Variants in ADGRG7 observed in about 807,000 individuals in gnomAD.
The protein encoded by ADGRG7 is adhesion G protein-coupled receptor G7.
ADGRG7 carries 82 observed loss-of-function variants against 88.6 expected under a neutral mutation model. The observed-to-expected ratio is 0.93, with a 90% CI of 0.77 to 1.11. The LOEUF (loss-of-function observed/expected upper bound fraction) is 1.11. Ranked by LOEUF, ADGRG7 falls within the 50% of genes most tolerant of loss-of-function variation. ADGRG7 has a pLI of 0.00. For missense variants in ADGRG7, 945 were observed against 953.4 expected (o/e 0.99, Z 0.12); for synonymous variants, 381 against 345.2 (o/e 1.10, Z -1.15).
In ADGRG7 at chr3:100,668,965, T is replaced by C; in HGVS notation, c.1996T>C (p.Ser666Pro). The C allele has an allele frequency of 6.3e-7, 1 of 1,592,278 alleles. No homozygotes were observed. Among genetic ancestry groups the C allele is most frequent in the Non-Finnish European group, 8.5e-7 (1 of 1,172,104 alleles). Residue 666 changes from serine to proline, a missense_variant, in exon 15 of 16, where the codon TCC becomes CCC. Coordinates refer to ENST00000273352, the MANE Select transcript of ADGRG7 (RefSeq NM_032787.3). ...QNLTSTKKVS[S>P]MKKIVSTLSV... ...TTCACCTAGCACAAAAAAAGTTTCA[T>C]CCATGAAGAAGATTGTTAGCACATT...
chr3:100,618,765 G>C (rs80332583), intron 1 of ADGRG7, among the ~76,000 whole-genome samples: 6,518 of 148,158 alleles, frequency 0.044, 381 homozygotes, highest in East Asian at 0.25. Flanking sequence ...AAAGTCATTG[G>C]TAGCTTGATG....
rs544404415 is a variant in ADGRG7 at position 100,633,458 on chromosome 3, C to T, written c.447+81C>T. 8.7e-5 allele frequency: 52 copies of T among 598,908 alleles called. No homozygotes were observed. The African/African-American group carries it at 9.2e-4, about 11-fold the overall frequency. 37.1% of individuals were successfully genotyped at this position (598,908 alleles called of 1,614,324 possible). On this transcript the variant is annotated intron_variant, in intron 4 of 15. Transcript: ENST00000273352. The stretch of plus-strand genomic sequence containing the variant: ...TTCTGTTCTTCAGATACCTGATGGT[C>T]AAATCAATTCTTTTAAAACTCTCAA...
intron 15 of ADGRG7, among the ~76,000 whole-genome samples, chr3:100,688,783 A>T (rs13075019): frequency 2.6e-5 from 4 of 151,736 alleles, no homozygotes; most frequent in South Asian, 2.1e-4. Context: ...TGCTGAGGAG[A>T]GCTTTACTTC....
chr3:100,685,090 A>T (rs1223364336), intron 15 of ADGRG7, among the ~76,000 whole-genome samples: 1 of 152,122 alleles, frequency 6.6e-6, no homozygotes, highest in Non-Finnish European at 1.5e-5. Flanking sequence ...TTATATTGGA[A>T]TGTCCTGTTA....
At chr3:100,674,225 A>G (rs1018132805) in intron 15 of ADGRG7, among the ~76,000 whole-genome samples, 1 of 152,184 alleles carries the variant, frequency 6.6e-6, no homozygotes, top group African/African-American at 2.4e-5. Context: ...AAGTAATGTG[A>G]TTCCTCCAGT....
At chr3:100,639,901 G>T (rs1436632857) in intron 6 of ADGRG7, among the ~76,000 whole-genome samples, 1 of 152,142 alleles carries the variant, frequency 6.6e-6, no homozygotes, top group Non-Finnish European at 1.5e-5. Flanking sequence ...AAAATTTAAG[G>T]TATAAGATAC....
intron 14 of ADGRG7, among the ~76,000 whole-genome samples, chr3:100,663,466 T>C (rs2094948102): frequency 6.6e-6 from 1 of 152,054 alleles, no homozygotes; most frequent in African/African-American, 2.4e-5. Context: ...TCTCTGGAAA[T>C]TGGAATAAAG....
chr3:100,682,856 C>T (rs1328487002), intron 15 of ADGRG7, among the ~76,000 whole-genome samples: 2 of 152,176 alleles, frequency 1.3e-5, no homozygotes, highest in African/African-American at 2.4e-5. Context: ...TTGCAGTTGC[C>T]TTGTCGCAGC....
In ADGRG7 at chr3:100,621,696, C is replaced by T. The variant is rs192423994; in HGVS notation, c.116-7902C>T. Among the ~76,000 whole-genome samples the T allele has an allele frequency of 1.1e-3, 172 of 152,220 alleles. 1 individual carries two copies. The highest frequency in any genetic ancestry group is 1.5e-3 in the Non-Finnish European group (103 of 68,020). On this transcript the variant is annotated intron_variant, in intron 1 of 15. Transcript: ENST00000273352. ...CAGCAAGTGCTGATGTAGAAGCTGCCGCAAGTTTTTCAGAATATATAAATA... is the reference window on the plus strand; with the variant it reads ...CAGCAAGTGCTGATGTAGAAGCTGCTGCAAGTTTTTCAGAATATATAAATA...
rs1209461653 is a variant in ADGRG7 at position 100,635,754 on chromosome 3, T to C, written c.525T>C (p.Thr175=). The change falls in exon 5 of 16, where the codon ACT becomes ACC. Residue 175 remains threonine (T), a synonymous_variant. Coordinates refer to ENST00000273352, the MANE Select transcript of ADGRG7 (RefSeq NM_032787.3). ...TAACATCTGATGCCAATAAATTAACTGCTGAGAACATCACTAGTGCTACGC... is the reference window on the plus strand; with the variant it reads ...TAACATCTGATGCCAATAAATTAACCGCTGAGAACATCACTAGTGCTACGC... ...QILTSDANKL[T]AENITSATRV... 2 of 1,614,032 alleles carry C rather than the reference T, an allele frequency of 1.2e-6. No homozygotes were observed. The highest frequency in any genetic ancestry group is 2.7e-5 in the African/African-American group (2 of 75,060).
At chr3:100,628,517 C>T (rs1053319700) in intron 1 of ADGRG7, among the ~76,000 whole-genome samples, 2 of 151,962 alleles carry the variant, frequency 1.3e-5, no homozygotes, top group Admixed American at 1.3e-4. Context: ...CACCACCACA[C>T]CAGGTTAATT....
In ADGRG7 at chr3:100,629,653, C is replaced by T. The variant is rs1342494231; in HGVS notation, c.171C>T (p.Thr57=). The change falls in exon 2 of 16, where the codon ACC becomes ACT. Residue 57 remains threonine, a synonymous_variant. Coordinates refer to ENST00000273352, the MANE Select transcript of ADGRG7 (RefSeq NM_032787.3). The part of the protein sequence containing the change: ...TPTEFCRNGG[T]WENGRCICTE... ...CAGAGTTCTGCAGGAATGGTGGAAC[C>T]TGGGAAAATGGCAGATGTATTTGTA... 1.2e-6 allele frequency: 2 copies of T among 1,613,308 alleles called. No individual in the cohort carries two copies. Among genetic ancestry groups the T allele is most frequent in the Non-Finnish European group, 8.5e-7 (1 of 1,179,470 alleles).
At chr3:100,691,779 A>G (rs10936315) in intron 15 of ADGRG7, among the ~76,000 whole-genome samples, 2 of 147,128 alleles carry the variant, frequency 1.4e-5, no homozygotes, top group African/African-American at 2.5e-5. Flanking sequence ...ATGACTCATT[A>G]TCAAATAAAA....
chr3:100,693,715 A>G (rs908390486), intron 15 of ADGRG7, among the ~76,000 whole-genome samples: 2 of 152,212 alleles, frequency 1.3e-5, no homozygotes, highest in Non-Finnish European at 2.9e-5. Context: ...AAAATAGTAT[A>G]GCTCCCACAT....
chr3:100,675,276 C>A (rs1414981257), intron 15 of ADGRG7, among the ~76,000 whole-genome samples: 4 of 152,050 alleles, frequency 2.6e-5, no homozygotes, highest in African/African-American at 7.2e-5. Flanking sequence ...TTCCTTCTAT[C>A]CCCAGTTTTT....
intron 10 of ADGRG7, 85 bp from the exon 11 acceptor site, chr3:100,649,610 T>C: frequency 1.5e-6 from 1 of 675,302 alleles, no homozygotes; most frequent in Non-Finnish European, 2.6e-6. Flanking sequence ...CTGGTTATTT[T>C]GACCCATGTA....
intron 14 of ADGRG7, among the ~76,000 whole-genome samples, chr3:100,665,820 TA>T (rs1289586425): frequency 2.6e-5 from 4 of 152,196 alleles, no homozygotes; most frequent in Admixed American, 2.6e-4. Context: ...TTTGTATTGC[TA>T]AATGTTGATT....
chr3:100,667,899 TGAAACCCA>T (rs2094953833), intron 14 of ADGRG7, among the ~76,000 whole-genome samples: 1 of 152,118 alleles, frequency 6.6e-6, no homozygotes. Flanking sequence ...GTTTTGTGCT[TGAAACCCA>T]GGGCGCTGGT....
chr3:100,623,974 A>G (rs949668262), intron 1 of ADGRG7, among the ~76,000 whole-genome samples: 2 of 152,090 alleles, frequency 1.3e-5, no homozygotes, highest in Non-Finnish European at 2.9e-5. Context: ...GGTTGGTTCC[A>G]TGTCTTTGCT....
Sources: allele counts gnomAD v4.1 joint callset (sites outside exome capture counted in the v4.1 genomes callset), GRCh38; gene constraint gnomAD v4.1.1; transcripts MANE v1.5; gene names NCBI Gene and HGNC (gene_info 2026-07-23, HGNC 2026-07-21).